Variants in CDK10 observed in about 807,000 individuals in gnomAD.
The protein encoded by CDK10 is cyclin-dependent kinase 10.
CDK10 carries 55 observed loss-of-function variants against 51.0 expected under a neutral mutation model. The observed-to-expected ratio is 1.08, with a 90% CI of 0.87 to 1.35. The LOEUF is 1.35. Among genes scored for constraint, CDK10 ranks in the 40% most tolerant of loss-of-function variants. CDK10 has a pLI of 0.00. For missense variants in CDK10, 589 were observed against 485.1 expected (o/e 1.21, Z -2.01); for synonymous variants, 255 against 199.1 (o/e 1.28, Z -2.36).
Position 89,694,126 on chromosome 16 carries a change from T to C in CDK10, c.609-47T>C, listed in dbSNP as rs1040018615. ...GGCTGTGTCCTGTGGAGGCCTGGGC[T>C]GGGGGAGAGGAGCCGGCTGTATTGA... On this transcript the variant is annotated intron_variant, in intron 8 of 12. Coordinates refer to ENST00000353379, the MANE Select transcript of CDK10 (RefSeq NM_052988.5). 4 of 1,592,912 alleles carry C rather than the reference T, an allele frequency of 2.5e-6. No individual in the cohort carries two copies. In the African/African-American group the frequency reaches 5.4e-5, roughly 21 times the overall value.
At chr16:89,695,380 G>A in intron 12 of CDK10, 35 bp downstream of exon 12, 2 of 1,599,482 alleles carry the variant, frequency 1.3e-6, no homozygotes, top group Non-Finnish European at 1.7e-6. Flanking sequence ...GCTCTGTGGG[G>A]TATGGCTGGG....
chr16:89,693,744 G>T (rs1270025001), intron 8 of CDK10: 29 of 567,474 alleles, frequency 5.1e-5, no homozygotes, highest in Non-Finnish European at 8.5e-5. Flanking sequence ...ACCATCTCTG[G>T]AGGGAAGGCT....
chr16:89,694,368 A>T, intron 9 of CDK10, 136 bp downstream of exon 9: 1 of 1,000,616 alleles, frequency 1.0e-6, no homozygotes, highest in Non-Finnish European at 1.5e-6. Flanking sequence ...ACTCCCAGGG[A>T]GGTGGGCCTG....
At chr16:89,691,649 CAGAGA>C (rs2060455807) in intron 4 of CDK10, 104 bp downstream of exon 4, 3 of 1,235,558 alleles carry the variant, frequency 2.4e-6, no homozygotes, top group Non-Finnish European at 3.5e-6. Context: ...ATGAGGTTGT[CAGAGA>C]AGAGATGACC....
chr16:89,693,028 C>CTTGGG (rs1314667935), intron 6 of CDK10, among the ~76,000 whole-genome samples: 1 of 150,650 alleles, frequency 6.6e-6, no homozygotes. Flanking sequence ...GTCCCAGCTA[C>CTTGGG]TTGGGAGGCC....
In CDK10 at chr16:89,690,559, C is replaced by T. The variant is rs2060399191; in HGVS notation, c.167C>T (p.Ala56Val). The change falls in exon 3 of 13, where the codon GCC becomes GTC. Residue 56 changes from alanine to valine, a missense_variant. By Grantham distance (64) the Ala-to-Val change is moderately conservative. Coordinates refer to ENST00000353379, the MANE Select transcript of CDK10 (RefSeq NM_052988.5). ...GEGTYGIVYRARDTQTDEIVA... is the reference protein window; with the variant it reads ...GEGTYGIVYRVRDTQTDEIVA... The stretch of plus-strand genomic sequence containing the variant: ...CAATGTGTTTCCATTCCAGATCGGG[C>T]CCGGGACACCCAGACAGATGAGATT... The T allele has an allele frequency of 6.2e-7, 1 of 1,613,956 alleles. No homozygotes were observed.
intron 8 of CDK10, 61 bp from the exon 9 acceptor site, chr16:89,694,112 G>C (rs1597867784): frequency 1.9e-6 from 3 of 1,548,000 alleles, no homozygotes; most frequent in Non-Finnish European, 1.8e-6. Flanking sequence ...GCTGTGTCCT[G>C]TGGAGGCCTG....
rs759585856 is a variant in CDK10 at position 89,686,728 on chromosome 16, G to A, written c.18G>A (p.Leu6=). The part of the protein sequence containing the change: MAEPD[L]ECEQIRLKCI... ...CGCTCGGCATGGCGGAGCCAGATCT[G>A]GAGTGCGAGCAGATCCGTCTGAAGT... Residue 6 remains leucine, a synonymous_variant, in exon 1 of 13, where the codon CTG becomes CTA. Transcript: ENST00000353379. 2.1e-5 allele frequency: 33 copies of A among 1,609,460 alleles called. No homozygotes were observed. Among genetic ancestry groups the A allele is most frequent in the Non-Finnish European group, 2.6e-5 (31 of 1,178,026 alleles).
intron 1 of CDK10, 172 bp downstream of exon 1, chr16:89,686,969 A>C (rs533662146): frequency 1.8e-6 from 1 of 558,930 alleles, no homozygotes; most frequent in Non-Finnish European, 3.1e-6. Flanking sequence ...CGGGCTCAGG[A>C]CCCCCGACAG....
Position 89,695,591 on chromosome 16 carries a change from G to C in CDK10, c.986-4G>C. The stretch of plus-strand genomic sequence containing the variant: ...CGCCCAGCACTGAACCCTTCTCCCT[G>C]CAGCCTGTGAGCCGGAGCTCATGCC... On this transcript the variant is annotated splice_region_variant and splice_polypyrimidine_tract_variant and intron_variant, in intron 12 of 12. Transcript: ENST00000353379. The C allele has an allele frequency of 6.2e-7, 1 of 1,601,006 alleles. No individual in the cohort carries two copies. Among genetic ancestry groups the C allele is most frequent in the Non-Finnish European group, 8.5e-7 (1 of 1,175,542 alleles).
intron 6 of CDK10, among the ~76,000 whole-genome samples, chr16:89,692,948 T>A (rs1022383795): frequency 6.6e-6 from 1 of 151,470 alleles, no homozygotes; most frequent in Non-Finnish European, 1.5e-5. Flanking sequence ...CCATCCTTGT[T>A]AACACAGTGA....
Position 89,691,482 on chromosome 16 carries a change from T to C in CDK10, c.272T>C (p.Leu91Pro). 6.2e-7 allele frequency: 1 copy of C among 1,613,618 alleles called. No individual in the cohort carries two copies. Among genetic ancestry groups the C allele is most frequent in the East Asian group, 2.2e-5 (1 of 44,874 alleles). The change falls in exon 4 of 13, where the codon CTC (leucine) becomes CCC (proline). Residue 91 changes from leucine to proline, a missense_variant. Leu to Pro is a moderately conservative substitution (Grantham distance 98). Coordinates refer to ENST00000353379, the MANE Select transcript of CDK10 (RefSeq NM_052988.5). ...AGCTTGCGGGAGATCACGCTGCTGC[T>C]CCGCCTGCGTCATCCGAACATCGTG... is the stretch of plus-strand genomic sequence containing the variant. ...ISSLREITLLLRLRHPNIVEL... is the reference protein window; with the variant it reads ...ISSLREITLLPRLRHPNIVEL...
rs1217111565 is a variant in CDK10 at position 89,694,863 on chromosome 16, ACGCCCTCTGCGCCCGCAGCCCCCGCCCG to A, written c.793-67_793-40del. 210 of 1,492,836 alleles carry A rather than the reference ACGCCCTCTGCGCCCGCAGCCCCCGCCCG, an allele frequency of 1.4e-4. 1 individual carries two copies. Among genetic ancestry groups the A allele is most frequent in the Middle Eastern group, 1.2e-3 (6 of 4,858 alleles). 92.5% of individuals were successfully genotyped at this position (1,492,836 alleles called of 1,614,324 possible). ...GCGCCCGCAGCCCCCGCCCGTGCCC[ACGCCCTCTGCGCCCGCAGCCCCCGCCCG>A]TGCCCACGCCCTCTGCGCCTCAGCT... On this transcript the variant is annotated intron_variant, in intron 10 of 12. Transcript: ENST00000353379.
At chr16:89,693,990 G>T in intron 8 of CDK10, 183 bp from the exon 9 acceptor site, 1 of 645,736 alleles carries the variant, frequency 1.5e-6, no homozygotes, top group East Asian at 2.7e-5. Flanking sequence ...GCACGTGACA[G>T]CTCTCGCCCC....
chr16:89,694,809 C>T (rs755428211), intron 10 of CDK10, 21 bp downstream of exon 10: 13 of 1,211,508 alleles, frequency 1.1e-5, no homozygotes, highest in East Asian at 1.0e-4. Context: ...TGGGCAGACC[C>T]GCAGCCCCCG....
In CDK10 at chr16:89,691,533, A is replaced by G. The variant is rs1323709429; in HGVS notation, c.323A>G (p.Asn108Ser). The change falls in exon 4 of 13, where the codon AAC becomes AGC. Residue 108 changes from asparagine (N) to serine (S), a missense_variant. Transcript: ENST00000353379. Reference sequence around the variant, plus strand: ...GAGCTGAAGGAGGTGGTTGTGGGGAACCACCTGGAGAGGTACGTGGTCTCC... The same window carrying G: ...GAGCTGAAGGAGGTGGTTGTGGGGAGCCACCTGGAGAGGTACGTGGTCTCC... ...IVELKEVVVG[N>S]HLESIFLVMG... is the part of the protein sequence containing the mutation. 13 of 1,613,620 alleles carry G rather than the reference A, an allele frequency of 8.1e-6. No homozygotes were observed. The highest frequency in any genetic ancestry group is 9.3e-6 in the Non-Finnish European group (11 of 1,179,774).
At chr16:89,693,824 A>G in intron 8 of CDK10, 1 of 544,190 alleles carries the variant, frequency 1.8e-6, no homozygotes, top group Non-Finnish European at 3.3e-6. Context: ...CTTTTAACCA[A>G]ACAGGGTCAT....
At chr16:89,694,377 T>G (rs2060598618) in intron 9 of CDK10, 145 bp downstream of exon 9, 10 of 952,906 alleles carry the variant, frequency 1.0e-5, no homozygotes, top group South Asian at 1.5e-5. Context: ...GAGGTGGGCC[T>G]GAGCCTGGAA....
chr16:89,687,587 A>G (rs1232860589), intron 1 of CDK10: 1 of 450,364 alleles, frequency 2.2e-6, no homozygotes, highest in Non-Finnish European at 4.5e-6. Flanking sequence ...TTTTTGAGAC[A>G]GGGTCTAGCG....
Sources: allele counts gnomAD v4.1 joint callset (sites outside exome capture counted in the v4.1 genomes callset), GRCh38; gene constraint gnomAD v4.1.1; transcripts MANE v1.5; gene names NCBI Gene and HGNC (gene_info 2026-07-23, HGNC 2026-07-21).